The following MACROD2 variants were observed in gnomAD, a reference collection of about 807,000 sequenced individuals.
MACROD2 encodes the protein mono-ADP ribosylhydrolase 2.
A neutral mutation model predicts 70.4 loss-of-function variants in MACROD2; 36 were observed. The ratio of observed to expected loss-of-function variants is 0.51; its 90% CI spans 0.39 to 0.68. The LOEUF is 0.68. Ranked by LOEUF, MACROD2 falls within the 30% of genes least tolerant of loss-of-function variation. The probability of loss-of-function intolerance (pLI) is 0.00; values close to 1 mark genes in which losing one functional copy is unlikely to be tolerated. For synonymous variants in MACROD2, 172 were observed against 178.8 expected (o/e 0.96, Z 0.30); for missense variants, 496 against 538.4 (o/e 0.92, Z 0.78).
intron 5 of MACROD2, among the ~76,000 whole-genome samples, chr20:15,087,807 T>C (rs1487201245): frequency 6.6e-6 from 1 of 151,970 alleles, no homozygotes; most frequent in East Asian, 1.9e-4. Flanking sequence ...TAGTCTGTAA[T>C]ATAGAAAAAG....
At chr20:15,431,883 G>A (rs2146358438) in intron 7 of MACROD2, among the ~76,000 whole-genome samples, 1 of 151,954 alleles carries the variant, frequency 6.6e-6, no homozygotes, top group African/African-American at 2.4e-5. Context: ...CCAAAGAAGT[G>A]ACTTTTACTA....
intron 8 of MACROD2, among the ~76,000 whole-genome samples, chr20:15,835,654 A>T (rs2064106401): frequency 6.6e-6 from 1 of 152,146 alleles, no homozygotes; most frequent in Non-Finnish European, 1.5e-5. Flanking sequence ...TTATAATATT[A>T]TATCTACATG....
intron 5 of MACROD2, among the ~76,000 whole-genome samples, chr20:15,044,576 T>C (rs1424725428): frequency 6.6e-6 from 1 of 152,130 alleles, no homozygotes; most frequent in Non-Finnish European, 1.5e-5. Context: ...TGGCTTCTTT[T>C]TGGGTTTGGT....
chr20:14,698,404 CA>C (rs1171090523), intron 5 of MACROD2, among the ~76,000 whole-genome samples: 2 of 152,144 alleles, frequency 1.3e-5, no homozygotes, highest in Non-Finnish European at 2.9e-5. Context: ...GGGAGGCTCT[CA>C]TGAGTTAATG....
chr20:14,144,079 A>G (rs2054912459), intron 3 of MACROD2, among the ~76,000 whole-genome samples: 2 of 152,206 alleles, frequency 1.3e-5, no homozygotes, highest in South Asian at 4.1e-4. Flanking sequence ...GTGCCTAGAT[A>G]GATGTGAATG....
At chr20:15,360,044 C>G (rs552216089) in intron 6 of MACROD2, among the ~76,000 whole-genome samples, 1 of 152,266 alleles carries the variant, frequency 6.6e-6, no homozygotes, top group Admixed American at 6.5e-5. Context: ...AATCACAAAT[C>G]TATCTACCCT....
chr20:14,359,222 G>T (rs2122714631), intron 3 of MACROD2, among the ~76,000 whole-genome samples: 1 of 152,070 alleles, frequency 6.6e-6, no homozygotes, highest in South Asian at 2.1e-4. Flanking sequence ...AAAACACCTA[G>T]ATTGAGAGAT....
At chr20:14,550,112 G>A (rs1287360974) in intron 4 of MACROD2, among the ~76,000 whole-genome samples, 6 of 151,658 alleles carry the variant, frequency 4.0e-5, no homozygotes, top group African/African-American at 9.7e-5. Flanking sequence ...TAGTATAGAC[G>A]GGGTTTCACC....
At chr20:15,027,554 T>TGG (rs375619469) in intron 5 of MACROD2, among the ~76,000 whole-genome samples, 1 of 143,616 alleles carries the variant, frequency 7.0e-6, no homozygotes, top group East Asian at 2.0e-4. Flanking sequence ...ATGGTGGTGG[T>TGG]GGTGGGGGGA....
At chr20:15,813,094 T>G (rs1444661654) in intron 8 of MACROD2, among the ~76,000 whole-genome samples, 1 of 152,168 alleles carries the variant, frequency 6.6e-6, no homozygotes, top group Non-Finnish European at 1.5e-5. Flanking sequence ...ATGTCTTTAT[T>G]TCAGTGTAGA....
At chr20:15,599,873 T>C (rs1438350231) in intron 8 of MACROD2, among the ~76,000 whole-genome samples, 1 of 152,146 alleles carries the variant, frequency 6.6e-6, no homozygotes, top group African/African-American at 2.4e-5. Flanking sequence ...AGATGCCTTC[T>C]CCATGGAATG....
chr20:14,891,084 T>C (rs969692288), intron 5 of MACROD2, among the ~76,000 whole-genome samples: 1 of 149,758 alleles, frequency 6.7e-6, no homozygotes, highest in Non-Finnish European at 1.5e-5. Context: ...TTCTCCTTCC[T>C]TCTTTCCTTT....
At chr20:14,692,175 T>C (rs2123613261) in intron 5 of MACROD2, among the ~76,000 whole-genome samples, 1 of 152,284 alleles carries the variant, frequency 6.6e-6, no homozygotes, top group African/African-American at 2.4e-5. Context: ...ACCCCACACC[T>C]ACTGATTCAG....
intron 3 of MACROD2, among the ~76,000 whole-genome samples, chr20:14,418,766 G>A (rs1267088894): frequency 2.0e-5 from 3 of 152,178 alleles, no homozygotes; most frequent in Non-Finnish European, 4.4e-5. Flanking sequence ...CAGAAGAGAT[G>A]TTTTAGAATC....
chr20:15,634,234 T>C (rs1442650300), intron 8 of MACROD2, among the ~76,000 whole-genome samples: 1 of 152,214 alleles, frequency 6.6e-6, no homozygotes, highest in East Asian at 1.9e-4. Context: ...ATCCACCCAT[T>C]TGACATAATG....
At chr20:14,419,745 G>T (rs1052289321) in intron 3 of MACROD2, among the ~76,000 whole-genome samples, 1 of 151,908 alleles carries the variant, frequency 6.6e-6, no homozygotes, top group Non-Finnish European at 1.5e-5. Flanking sequence ...CTATATACTG[G>T]TGTTTATATA....
chr20:14,560,308 T>TAC (rs1232499100), intron 4 of MACROD2, among the ~76,000 whole-genome samples: 7,509 of 147,226 alleles, frequency 0.051, 285 homozygotes, highest in African/African-American at 0.098. Context: ...GTACTTAATG[T>TAC]ACACACACAC....
chr20:14,041,244 A>G (rs1430207840), intron 2 of MACROD2, among the ~76,000 whole-genome samples: 1 of 152,244 alleles, frequency 6.6e-6, no homozygotes, highest in Non-Finnish European at 1.5e-5. Flanking sequence ...TGCTTTAAGT[A>G]GGAGATGAAC....
chr20:14,814,414 C>T (rs2072750177), intron 5 of MACROD2, among the ~76,000 whole-genome samples: 1 of 151,908 alleles, frequency 6.6e-6, no homozygotes, highest in African/African-American at 2.4e-5. Flanking sequence ...GATGTTATAA[C>T]TTTATGGAAA....
Sources: allele counts gnomAD v4.1 joint callset (sites outside exome capture counted in the v4.1 genomes callset), GRCh38; gene constraint gnomAD v4.1.1; transcripts MANE v1.5; gene names NCBI Gene and HGNC (gene_info 2026-07-23, HGNC 2026-07-21).